CDC14A: variants seen among roughly 807,000 people sequenced by gnomAD.
The protein encoded by CDC14A is dual specificity protein phosphatase CDC14A.
In CDC14A, 53 loss-of-function variants were observed where a neutral mutation model predicts 74.4. The ratio of observed to expected loss-of-function variants is 0.71; its 90% CI spans 0.57 to 0.89. CDC14A has a LOEUF of 0.89. Among genes scored for constraint, CDC14A ranks in the 40% least tolerant of loss-of-function variants. The probability of loss-of-function intolerance (pLI) is 0.00; values close to 1 mark genes in which losing one functional copy is unlikely to be tolerated. For synonymous variants in CDC14A, 247 were observed against 258.4 expected, an observed-to-expected ratio of 0.96 and a Z score of 0.43; for missense variants, 646 against 713.7, an observed-to-expected ratio of 0.91 and a Z score of 1.08.
At chr1:100,400,200 G>C (rs1029246993) in intron 4 of CDC14A, among the ~76,000 whole-genome samples, 3 of 152,004 alleles carry the variant, frequency 2.0e-5, no homozygotes, top group Non-Finnish European at 4.4e-5. Context: ...AATTAACTGT[G>C]ATTTTGTTTT....
chr1:100,431,297 CTT>C (rs552460071), intron 5 of CDC14A, among the ~76,000 whole-genome samples: 1 of 144,338 alleles, frequency 6.9e-6, no homozygotes, highest in Admixed American at 7.0e-5. Context: ...GCTCAGACTA[CTT>C]TTTTTTTTTT....
Position 100,424,262 on chromosome 1 carries a change from C to A in CDC14A, c.350C>A (p.Ala117Glu). 6.2e-7 allele frequency: 1 copy of A among 1,613,464 alleles called. No homozygotes were observed. Among genetic ancestry groups the A allele is most frequent in the Non-Finnish European group, 8.5e-7 (1 of 1,179,458 alleles). The part of the protein sequence containing the change: ...LKKTPEEAYR[A>E]LLSGSNPPYL... ...AAGACACCAGAAGAAGCCTACAGAG[C>A]ACTCCTGTCTGGCTCAAACCCCCCC... is the stretch of plus-strand genomic sequence containing the variant. The change falls in exon 5 of 16, where the codon GCA becomes GAA. Residue 117 changes from alanine to glutamate, a missense_variant. Transcript: ENST00000336454.
Position 100,388,804 on chromosome 1 carries a change from G to A in CDC14A, c.217-1928G>A, listed in dbSNP as rs371522952. 1.0e-3 allele frequency among the ~76,000 whole-genome samples: 153 copies of A among 152,158 alleles called. 1 individual carries two copies. The Middle Eastern group carries it at 0.037, about 37-fold the overall frequency. On this transcript the variant is annotated intron_variant, in intron 3 of 15. Coordinates refer to ENST00000336454, the MANE Select transcript of CDC14A (RefSeq NM_003672.4). ...AGCCCTAAGTGATTCTCCTGCTTTG[G>A]CCTCTCAAAGTGTTGGAATTACAGG...
intron 8 of CDC14A, 45 bp downstream of exon 8, chr1:100,455,537 A>G: frequency 9.3e-7 from 1 of 1,073,542 alleles, no homozygotes; most frequent in Non-Finnish European, 1.4e-6. Flanking sequence ...ATTTTGATTT[A>G]TCTTTCTAAG....
chr1:100,504,801 T>A (rs9804010), intron 15 of CDC14A: 6 of 1,532,770 alleles, frequency 3.9e-6, no homozygotes, highest in Middle Eastern at 1.7e-4. Flanking sequence ...TCTCTTGTTT[T>A]CTTCTCCCAC....
intron 4 of CDC14A, among the ~76,000 whole-genome samples, chr1:100,399,979 T>G (rs767551783): frequency 2.0e-5 from 3 of 152,244 alleles, no homozygotes; most frequent in Non-Finnish European, 4.4e-5. Flanking sequence ...AGACCTTTCC[T>G]GCTGTTACTC....
intron 4 of CDC14A, among the ~76,000 whole-genome samples, chr1:100,412,153 C>A (rs12088271): frequency 6.6e-6 from 1 of 151,968 alleles, no homozygotes. Context: ...AATGACCTGA[C>A]GTACACTTAA....
intron 15 of CDC14A, among the ~76,000 whole-genome samples, chr1:100,511,481 C>T (rs757382536): frequency 2.0e-5 from 3 of 152,218 alleles, no homozygotes; most frequent in Non-Finnish European, 4.4e-5. Flanking sequence ...CTTACATTGG[C>T]TCTTTCTCTT....
chr1:100,442,801 T>C (rs1166559940), intron 6 of CDC14A, 133 bp from the exon 7 acceptor site: 2 of 644,576 alleles, frequency 3.1e-6, no homozygotes, highest in East Asian at 2.9e-5. Flanking sequence ...TTTCTAGATA[T>C]GCATTAAACA....
chr1:100,507,705 T>C (rs1649363733), intron 15 of CDC14A, among the ~76,000 whole-genome samples: 1 of 151,924 alleles, frequency 6.6e-6, no homozygotes, highest in South Asian at 2.1e-4. Context: ...GGAGTCTCAC[T>C]CTGTTACCCA....
In CDC14A at chr1:100,462,664, C is replaced by G; in HGVS notation, c.621C>G (p.His207Gln). The G allele has an allele frequency of 6.2e-7, 1 of 1,613,830 alleles. No individual in the cohort carries two copies. The change falls in exon 9 of 16, where the codon CAC becomes CAG. Residue 207 changes from histidine to glutamine, a missense_variant. His to Gln is a conservative substitution (Grantham distance 24). Coordinates refer to ENST00000336454, the MANE Select transcript of CDC14A (RefSeq NM_003672.4). ...TTGTTCCTTTAGGTTATCCTCTTCA[C>G]GCCCCTGAAGCCTACTTTCCTTATT... The part of the protein sequence containing the change: ...KSKIENGYPL[H>Q]APEAYFPYFK...
intron 10 of CDC14A, among the ~76,000 whole-genome samples, chr1:100,481,567 A>G (rs1325477953): frequency 2.6e-5 from 4 of 152,208 alleles, no homozygotes; most frequent in Non-Finnish European, 5.9e-5. Context: ...CTTGGCTCAT[A>G]ATAAGCCAAG....
At chr1:100,459,126 C>CACACACAG (rs1279905046) in intron 8 of CDC14A, among the ~76,000 whole-genome samples, 2 of 144,574 alleles carry the variant, frequency 1.4e-5, no homozygotes, top group African/African-American at 5.2e-5. Flanking sequence ...CACACACACA[C>CACACACAG]AGAGAGAGAG....
chr1:100,479,657 C>T (rs1237984448), intron 10 of CDC14A, among the ~76,000 whole-genome samples: 1 of 152,002 alleles, frequency 6.6e-6, no homozygotes, highest in South Asian at 2.1e-4. Flanking sequence ...AAACAAGATA[C>T]AGTGTTTTAT....
chr1:100,353,505 C>G (rs1322231905), intron 1 of CDC14A, among the ~76,000 whole-genome samples: 2 of 152,190 alleles, frequency 1.3e-5, no homozygotes. Context: ...GTACCCCCAG[C>G]TCCTGCCTAC....
intron 11 of CDC14A, among the ~76,000 whole-genome samples, chr1:100,486,274 C>T (rs1244370233): frequency 7.2e-5 from 11 of 152,210 alleles, no homozygotes; most frequent in African/African-American, 2.2e-4. Flanking sequence ...GTAGTTAGAA[C>T]GTTTTATTCT....
intron 4 of CDC14A, among the ~76,000 whole-genome samples, chr1:100,405,256 C>A (rs1451893699): frequency 2.0e-5 from 3 of 152,182 alleles, no homozygotes; most frequent in African/African-American, 7.2e-5. Flanking sequence ...GCTTTTCTTA[C>A]TTCATTTTGC....
chr1:100,357,416 T>C lies in CDC14A; in HGVS notation c.140+3564T>C, dbSNP rs546874592. Among the ~76,000 whole-genome samples, 3 of 152,104 alleles carry C rather than the reference T, an allele frequency of 2.0e-5. No individual in the cohort carries two copies. In the South Asian group the frequency reaches 6.3e-4, roughly 32 times the overall value. On this transcript the variant is annotated intron_variant, in intron 2 of 15. Transcript: ENST00000336454. ...TCTCGTCAGCTCCACTTTGGGGAAG[T>C]ATAGAATGAGAGAGACTGCAAAGCC...
intron 2 of CDC14A, among the ~76,000 whole-genome samples, chr1:100,375,462 A>T (rs1655102116): frequency 6.6e-6 from 1 of 152,214 alleles, no homozygotes; most frequent in Non-Finnish European, 1.5e-5. Flanking sequence ...GGAATACAGG[A>T]TGATTGGGAA....
Sources: gnomAD v4.1 joint callset for allele counts (sites outside exome capture counted in the v4.1 genomes callset) on GRCh38, gnomAD v4.1.1 for gene constraint, MANE v1.5 for transcripts, NCBI Gene and HGNC (gene_info 2026-07-23, HGNC 2026-07-21) for gene names.